SH3KBP1: variants seen among roughly 807,000 people sequenced by gnomAD.
The protein encoded by SH3KBP1 is SH3 domain-containing kinase-binding protein 1.
In SH3KBP1, 8 loss-of-function variants were observed where a neutral mutation model predicts 50.1. The ratio of observed to expected loss-of-function variants is 0.16; its 90% CI spans 0.09 to 0.29. The LOEUF (loss-of-function observed/expected upper bound fraction) is 0.29. Among genes scored for constraint, SH3KBP1 ranks in the 10% least tolerant of loss-of-function variants. The pLI is 1.00. For missense variants in SH3KBP1, 377 were observed against 535.2 expected, an observed-to-expected ratio of 0.70 and a Z score of 2.92; for synonymous variants, 227 against 218.6, an observed-to-expected ratio of 1.04 and a Z score of -0.34.
At chrX:19,792,824 G>A (rs2066577465) in intron 2 of SH3KBP1, among the ~76,000 whole-genome samples, 1 of 108,634 alleles carries the variant, frequency 9.2e-6, no homozygotes, top group Non-Finnish European at 1.9e-5. Context: ...TTGTGCTATT[G>A]GCATCTAGCG....
chrX:19,536,973 C>G (rs889175860), intron 17 of SH3KBP1, among the ~76,000 whole-genome samples: 2 of 112,000 alleles, frequency 1.8e-5, no homozygotes, highest in Non-Finnish European at 3.8e-5. Context: ...TTGGTAACAG[C>G]AGTGTTGAAT....
intron 11 of SH3KBP1, among the ~76,000 whole-genome samples, chrX:19,589,023 C>T (rs2066657065): frequency 8.9e-6 from 1 of 111,868 alleles, no homozygotes; most frequent in Non-Finnish European, 1.9e-5. Context: ...GCTGGTCCTT[C>T]TGCCTGAAGC....
At chrX:19,831,696 C>A (rs1298484944) in intron 2 of SH3KBP1, among the ~76,000 whole-genome samples, 1 of 98,482 alleles carries the variant, frequency 1.0e-5, no homozygotes, top group East Asian at 3.4e-4. Flanking sequence ...GAGGCTGAGG[C>A]AGGAAAATCA....
chrX:19,670,908 G>A (rs748328173), intron 6 of SH3KBP1: 7 of 1,161,975 alleles, frequency 6.0e-6, no homozygotes, highest in Non-Finnish European at 3.4e-6. Context: ...GTTTGAAAAG[G>A]TCCCAGAACT....
intron 4 of SH3KBP1, among the ~76,000 whole-genome samples, 163 bp downstream of exon 4, chrX:19,706,718 C>T (rs2063659124): frequency 9.0e-6 from 1 of 111,089 alleles, no homozygotes; most frequent in Non-Finnish European, 1.9e-5. Flanking sequence ...GGGGGCATTC[C>T]TCTGGGGAAA....
chrX:19,581,759 A>C (rs755246956), intron 12 of SH3KBP1, among the ~76,000 whole-genome samples: 2 of 109,105 alleles, frequency 1.8e-5, no homozygotes, highest in South Asian at 4.0e-4. Flanking sequence ...ATGTTTACTT[A>C]ATCTTTGCCT....
intron 2 of SH3KBP1, among the ~76,000 whole-genome samples, chrX:19,778,598 G>C (rs2147099545): frequency 9.0e-6 from 1 of 110,705 alleles, no homozygotes; most frequent in African/African-American, 3.3e-5. Flanking sequence ...CTGAGAACTA[G>C]GAAGGCCAGT....
chrX:19,823,511 C>A (rs930919750), intron 2 of SH3KBP1, among the ~76,000 whole-genome samples: 1 of 111,889 alleles, frequency 8.9e-6, no homozygotes, highest in Non-Finnish European at 1.9e-5. Context: ...CTTACATGAC[C>A]CCTCCCTCTT....
chrX:19,542,662 G>C (rs769508418), intron 15 of SH3KBP1, among the ~76,000 whole-genome samples: 3 of 111,695 alleles, frequency 2.7e-5, no homozygotes, highest in Non-Finnish European at 5.6e-5. Context: ...CCATCCAGAC[G>C]GGCAGGCATC....
At chrX:19,784,065 C>CA (rs2066264698) in intron 2 of SH3KBP1, among the ~76,000 whole-genome samples, 1 of 112,112 alleles carries the variant, frequency 8.9e-6, no homozygotes, top group Non-Finnish European at 1.9e-5. Context: ...TGGTTGCTAA[C>CA]AAGAGACTTT....
intron 6 of SH3KBP1, among the ~76,000 whole-genome samples, chrX:19,658,256 TC>T (rs1313827084): frequency 3.6e-5 from 4 of 111,690 alleles, no homozygotes; most frequent in Non-Finnish European, 7.5e-5. Flanking sequence ...CCCATCTTTT[TC>T]CAGAAGCTTT....
At chrX:19,854,305 C>T (rs1005301535) in intron 1 of SH3KBP1, among the ~76,000 whole-genome samples, 16 of 110,425 alleles carry the variant, frequency 1.4e-4, no homozygotes, top group Non-Finnish European at 2.1e-4. Flanking sequence ...TTAGTAGAGA[C>T]GGAGTTTCAC....
chrX:19,856,600 T>C (rs1180089552), intron 1 of SH3KBP1, among the ~76,000 whole-genome samples: 1 of 111,356 alleles, frequency 9.0e-6, no homozygotes, highest in Non-Finnish European at 1.9e-5. Context: ...AGTTAAAGTT[T>C]CAAATAGCTG....
At chrX:19,778,650 C>T (rs1463911267) in intron 2 of SH3KBP1, among the ~76,000 whole-genome samples, 2 of 109,679 alleles carry the variant, frequency 1.8e-5, no homozygotes, top group African/African-American at 6.6e-5. Context: ...AGTGGGAAAA[C>T]GGAATCGAAA....
rs200667629 is a variant in SH3KBP1, at chrX:19,836,124, C to G, written c.162+1G>C. The stretch of plus-strand genomic sequence containing the variant: ...GGAAAAGGGTTTTGCTTTGTACTCA[C>G]TCTTACAAAGTTGTCAGGGAACAAA... On this transcript the variant is annotated splice_donor_variant, in intron 2 of 17. Coordinates refer to ENST00000397821, the MANE Select transcript of SH3KBP1 (RefSeq NM_031892.3). LOFTEE classifies it high-confidence loss of function. The G allele has an allele frequency of 8.3e-7, 1 of 1,208,185 alleles. No individual in the cohort carries two copies. The highest frequency in any genetic ancestry group is 2.2e-5 in the Admixed American group (1 of 45,608).
At chrX:19,733,636 A>G (rs1181718345) in intron 3 of SH3KBP1, among the ~76,000 whole-genome samples, 2 of 111,340 alleles carry the variant, frequency 1.8e-5, no homozygotes, top group African/African-American at 6.5e-5. Context: ...GAGAAATCAC[A>G]AAAGAAAGCA....
intron 9 of SH3KBP1, among the ~76,000 whole-genome samples, chrX:19,600,276 C>A (rs774834933): frequency 9.1e-6 from 1 of 109,721 alleles, no homozygotes; most frequent in Non-Finnish European, 1.9e-5. Flanking sequence ...CCCATCTACT[C>A]GGGAGGCTGA....
At chrX:19,742,920 A>G (rs972273191) in intron 3 of SH3KBP1, among the ~76,000 whole-genome samples, 4 of 111,946 alleles carry the variant, frequency 3.6e-5, no homozygotes, top group African/African-American at 1.3e-4. Context: ...ACGACTTCTT[A>G]TTCCTCAGGA....
intron 3 of SH3KBP1, among the ~76,000 whole-genome samples, chrX:19,718,139 T>TACAC (rs35514461): frequency 0.022 from 1,981 of 91,052 alleles, 35 homozygotes; most frequent in African/African-American, 0.058. Flanking sequence ...ATTTTATAAA[T>TACAC]ACACACACAC....
Sources: allele counts gnomAD v4.1 joint callset (sites outside exome capture counted in the v4.1 genomes callset), GRCh38; gene constraint gnomAD v4.1.1; transcripts MANE v1.5; gene names NCBI Gene and HGNC (gene_info 2026-07-23, HGNC 2026-07-21).